The following INA variants were observed in gnomAD, a reference collection of about 807,000 sequenced individuals.
INA encodes alpha-internexin.
Under a neutral mutation model 40.1 loss-of-function variants are expected in INA, and 35 were observed. The observed-to-expected ratio is 0.87, with a 90% CI of 0.67 to 1.16. The LOEUF (loss-of-function observed/expected upper bound fraction) is 1.16. Ranked by LOEUF, INA falls within the 50% of genes most tolerant of loss-of-function variation. INA has a pLI of 0.00. For missense variants in INA, 594 were observed against 686.7 expected (o/e 0.87, Z 1.51); for synonymous variants, 290 against 316.9 (o/e 0.92, Z 0.90).
rs1425763949 is a variant in INA, at chr10:103,277,838, C to G, written c.627C>G (p.Ala209=). 7 of 1,544,892 alleles carry G rather than the reference C, an allele frequency of 4.5e-6. No individual in the cohort carries two copies. Among genetic ancestry groups the G allele is most frequent in the Middle Eastern group, 3.8e-4 (2 of 5,240 alleles). Residue 209 remains alanine, a synonymous_variant, in exon 1 of 3, where the codon GCC becomes GCG. Coordinates refer to ENST00000369849, the MANE Select transcript of INA (RefSeq NM_032727.4). This position sits in a 1 kb window ranked among gnomAD's most constrained non-coding sequence, Gnocchi z 5.6. ...QQRDVDGATL[A]RLDLEKKVES... ...GCGACGTGGACGGCGCCACGCTGGC[C>G]CGCCTGGACCTGGAGAAGAAGGTGG...
At chr10:103,283,732 A>G (rs988326486) in intron 1 of INA, among the ~76,000 whole-genome samples, 1 of 144,448 alleles carries the variant, frequency 6.9e-6, no homozygotes, top group Non-Finnish European at 1.5e-5. Flanking sequence ...TGATATGTTT[A>G]TCTGCATCAC....
Position 103,277,583 on chromosome 10 carries a change from C to G in INA, c.372C>G (p.Ala124=). ...AGACGCAGAACCGCGCGTTGGAGGC[C>G]GAGCTGGCCGCGCTGCGACAGCGCC... ...QLETQNRALE[A]ELAALRQRHA... is the part of the protein sequence containing the mutation. The change falls in exon 1 of 3, where the codon GCC becomes GCG. Residue 124 remains alanine, a synonymous_variant. Coordinates refer to ENST00000369849, the MANE Select transcript of INA (RefSeq NM_032727.4). This position sits in a 1 kb window ranked among gnomAD's most constrained non-coding sequence, Gnocchi z 5.6. 1 of 1,561,942 alleles carries G rather than the reference C, an allele frequency of 6.4e-7. No homozygotes were observed. Among genetic ancestry groups the G allele is most frequent in the South Asian group, 1.2e-5 (1 of 86,650 alleles).
chr10:103,283,669 C>G (rs2093077538), intron 1 of INA, among the ~76,000 whole-genome samples: 1 of 151,942 alleles, frequency 6.6e-6, no homozygotes, highest in Non-Finnish European at 1.5e-5. Flanking sequence ...CTTTATCATT[C>G]TCACACAAGG....
At chr10:103,281,520 AC>A (rs1367827462) in intron 1 of INA, among the ~76,000 whole-genome samples, 3 of 152,228 alleles carry the variant, frequency 2.0e-5, no homozygotes, top group Non-Finnish European at 4.4e-5. Context: ...TTACGGAGAT[AC>A]GTATAATACA....
intron 2 of INA, among the ~76,000 whole-genome samples, chr10:103,287,703 C>G (rs990968889): frequency 1.9e-4 from 28 of 147,778 alleles, no homozygotes; most frequent in Non-Finnish European, 4.0e-4. Flanking sequence ...TCACTGCACT[C>G]CAGCCTGGGA....
chr10:103,278,061 G>A lies in INA; in HGVS notation c.850G>A (p.Glu284Lys), dbSNP rs2093064410. Residue 284 changes from glutamate (E) to lysine (K), a missense_variant, in exon 1 of 3, where the codon GAA (glutamate) becomes AAA (lysine). Physicochemically the swap from Glu to Lys is moderately conservative, Grantham distance 56. This residue lies in a region of INA where 379 missense variants were observed against 496.1 expected (regional missense o/e 0.76). Transcript: ENST00000369849. The surrounding 1 kb of genome is among the most constrained non-coding windows in gnomAD (Gnocchi z 4.9). ...GGCCGCTAAGAACCTGCAGTCCGCG[G>A]AAGAATGGTACAAGTCCAAGTTTGC... ...SLAAKNLQSA[E>K]EWYKSKFANL... The A allele has an allele frequency of 6.2e-7, 1 of 1,613,650 alleles. No homozygotes were observed. The highest frequency in any genetic ancestry group is 8.5e-7 in the Non-Finnish European group (1 of 1,179,950).
chr10:103,287,174 C>T lies in INA; in HGVS notation c.1190+15C>T. On this transcript the variant is annotated intron_variant, in intron 2 of 2. Transcript: ENST00000369849. ...GCAGCTTACAGGTACTGCAAAGGAC[C>T]TGCTTACCCGAGTAAATCCAGTCAC... is the stretch of plus-strand genomic sequence containing the variant. 1 of 1,610,286 alleles carries T rather than the reference C, an allele frequency of 6.2e-7. No individual in the cohort carries two copies. The highest frequency in any genetic ancestry group is 8.5e-7 in the Non-Finnish European group (1 of 1,178,274).
chr10:103,277,373 C>T lies in INA; in HGVS notation c.162C>T (p.Cys54=). The T allele has an allele frequency of 6.4e-7, 1 of 1,562,516 alleles. No homozygotes were observed. Among genetic ancestry groups the T allele is most frequent in the Non-Finnish European group, 8.6e-7 (1 of 1,161,444 alleles). ...SRSNVASSAA[C]SSASSLGLGL... ...GCAATGTGGCCTCCTCGGCCGCCTGCTCCTCGGCCTCGTCGCTCGGCCTCG... is the reference window on the plus strand; with the variant it reads ...GCAATGTGGCCTCCTCGGCCGCCTGTTCCTCGGCCTCGTCGCTCGGCCTCG... The change falls in exon 1 of 3, where the codon TGC becomes TGT. Residue 54 remains cysteine, a synonymous_variant. Coordinates refer to ENST00000369849, the MANE Select transcript of INA (RefSeq NM_032727.4). The surrounding 1 kb of genome is among the most constrained non-coding windows in gnomAD (Gnocchi z 5.6).
rs1206236422 is a variant in INA at position 103,278,300 on chromosome 10, G to A, written c.1065+24G>A. The A allele has an allele frequency of 1.3e-6, 2 of 1,500,452 alleles. No homozygotes were observed. Among genetic ancestry groups the A allele is most frequent in the African/African-American group, 1.4e-5 (1 of 72,210 alleles). 92.9% of individuals were successfully genotyped at this position (1,500,452 alleles called of 1,614,324 possible). ...AGGTAAGGGCCGGGGCTGGGCGTGG[G>A]GAGGGGTGCCCTGCCCTCTTCCGCG... On this transcript the variant is annotated intron_variant, in intron 1 of 2. Coordinates refer to ENST00000369849, the MANE Select transcript of INA (RefSeq NM_032727.4). The surrounding 1 kb of genome is among the most constrained non-coding windows in gnomAD (Gnocchi z 4.9).
At position 103,288,547 on chromosome 10, in the gene INA, T is replaced by C. The variant is rs1013994376; in HGVS notation, c.1378T>C (p.Ser460Pro). The part of the protein sequence containing the change: ...EEEEEASKVA[S>P]KKTSQIGESF... Reference sequence around the variant, plus strand: ...GGAGGAGGAGGCATCTAAGGTAGCCTCTAAGAAAACCTCCCAGATAGGGGA... The same window carrying C: ...GGAGGAGGAGGCATCTAAGGTAGCCCCTAAGAAAACCTCCCAGATAGGGGA... The change falls in exon 3 of 3, where the codon TCT becomes CCT. Residue 460 changes from serine (S) to proline (P), a missense_variant. Physicochemically the swap from Ser to Pro is moderately conservative, Grantham distance 74. Around this residue, in one of 2 missense-constraint regions of INA, gnomAD observed 379 missense variants for 496.1 expected, o/e 0.76. Transcript: ENST00000369849. 5.6e-6 allele frequency: 9 copies of C among 1,613,820 alleles called. No individual in the cohort carries two copies. In the Admixed American group the frequency reaches 1.0e-4, roughly 18 times the overall value.
At chr10:103,285,733 T>C (rs867403707) in intron 1 of INA, among the ~76,000 whole-genome samples, 2 of 151,524 alleles carry the variant, frequency 1.3e-5, no homozygotes, top group Middle Eastern at 6.8e-3. Flanking sequence ...TTCTCCTGCC[T>C]CAGCCTCCCA....
In INA at chr10:103,287,146, A is replaced by C; in HGVS notation, c.1177A>C (p.Ile393Leu). The change falls in exon 2 of 3, where the codon ATA becomes CTA. Residue 393 changes from isoleucine (I) to leucine (L), a missense_variant. Transcript: ENST00000369849. ...TGTCAAAATGGCTCTTGACATTGAG[A>C]TAGCAGCTTACAGGTACTGCAAAGG... ...LNVKMALDIE[I>L]AAYRKLLEGE... 6.2e-7 allele frequency: 1 copy of C among 1,613,656 alleles called. No individual in the cohort carries two copies. The highest frequency in any genetic ancestry group is 1.7e-4 in the Middle Eastern group (1 of 6,044).
chr10:103,282,404 T>C (rs2133534385), intron 1 of INA, among the ~76,000 whole-genome samples: 1 of 152,310 alleles, frequency 6.6e-6, no homozygotes, highest in South Asian at 2.1e-4. Context: ...GATTTCAAAA[T>C]GCTTTTTTAT....
intron 1 of INA, among the ~76,000 whole-genome samples, chr10:103,286,731 A>G (rs2093087114): frequency 6.6e-6 from 1 of 152,236 alleles, no homozygotes; most frequent in South Asian, 2.1e-4. Context: ...TCAGTTCAGA[A>G]CTATATGCCG....
At chr10:103,288,329 T>C in intron 2 of INA, 31 bp from the exon 3 acceptor site, 2 of 1,558,658 alleles carry the variant, frequency 1.3e-6, no homozygotes, top group Non-Finnish European at 1.7e-6. Context: ...GTTATTGACT[T>C]CCTAAGAGTT....
In INA at chr10:103,277,472, C is replaced by G; in HGVS notation, c.261C>G (p.Tyr87Ter). 6.3e-7 allele frequency: 1 copy of G among 1,588,616 alleles called. No homozygotes were observed. The highest frequency in any genetic ancestry group is 8.5e-7 in the Non-Finnish European group (1 of 1,170,894). Residue 87 changes from tyrosine (Y) to a stop codon, truncating the protein, a stop_gained, in exon 1 of 3, where the codon TAC becomes TAG. Transcript: ENST00000369849. LOFTEE classifies it high-confidence loss of function. This position sits in a 1 kb window ranked among gnomAD's most constrained non-coding sequence, Gnocchi z 5.6. Reference sequence around the variant, plus strand: ...AGGCGGCGGCGCGCACCAACGAGTACAAGATCATCCGCACCAACGAGAAGG... The same window carrying G: ...AGGCGGCGGCGCGCACCAACGAGTAGAAGATCATCCGCACCAACGAGAAGG... ...LSQAAARTNE[Y>*]KIIRTNEKEQ...
chr10:103,278,581 A>G lies in INA; in HGVS notation c.1065+305A>G, dbSNP rs935910988. On this transcript the variant is annotated intron_variant, in intron 1 of 2. Transcript: ENST00000369849. The surrounding 1 kb of genome is among the most constrained non-coding windows in gnomAD (Gnocchi z 4.9). ...GCCTACACACACCGGCGACCCGGAG[A>G]ACAGTGCCCCACCCAAAGTAAGACT... Among the ~76,000 whole-genome samples, 3 of 152,150 alleles carry G rather than the reference A, an allele frequency of 2.0e-5. No homozygotes were observed. The highest frequency in any genetic ancestry group is 4.4e-5 in the Non-Finnish European group (3 of 68,014).
intron 1 of INA, chr10:103,280,312 C>T (rs563126014): frequency 1.0e-6 from 1 of 985,414 alleles, no homozygotes; most frequent in Admixed American, 6.1e-5. Flanking sequence ...GTTCCCTACT[C>T]CTTGGGACCT....
chr10:103,283,748 CTTT>C (rs34755376), intron 1 of INA, among the ~76,000 whole-genome samples: 1 of 114,914 alleles, frequency 8.7e-6, no homozygotes, highest in African/African-American at 3.4e-5. Flanking sequence ...ATCACTGTTT[CTTT>C]TTTTTTTTTT....
Sources: gnomAD v4.1 joint callset for allele counts (sites outside exome capture counted in the v4.1 genomes callset) on GRCh38, gnomAD v4.1.1 for gene constraint, gnomAD v4.1.1 regional missense constraint, Gnocchi (gnomAD v3.1) non-coding constraint, MANE v1.5 for transcripts, NCBI Gene and HGNC (gene_info 2026-07-23, HGNC 2026-07-21) for gene names.